Variants in CCDC178 observed in about 807,000 individuals in gnomAD.
CCDC178 encodes the protein coiled-coil domain containing 178.
CCDC178 carries 126 observed loss-of-function variants against 117.4 expected under a neutral mutation model. The ratio of observed to expected loss-of-function variants is 1.07; its 90% CI spans 0.93 to 1.24. The LOEUF is 1.24. CCDC178 is among the 50% of genes most tolerant of loss of function. CCDC178 has a pLI of 0.00. For missense variants in CCDC178, 1,030 were observed against 986.9 expected, an observed-to-expected ratio of 1.04 and a Z score of -0.59; for synonymous variants, 283 against 313.4, an observed-to-expected ratio of 0.90 and a Z score of 1.02.
intron 22 of CCDC178, among the ~76,000 whole-genome samples, chr18:32,955,339 T>C (rs564547882): frequency 6.8e-4 from 104 of 152,348 alleles, no homozygotes; most frequent in Admixed American, 1.1e-3. Flanking sequence ...TAGAGTCATA[T>C]GTAGATATTT....
At chr18:33,290,528 T>C (rs1300374862) in intron 12 of CCDC178, among the ~76,000 whole-genome samples, 4 of 152,110 alleles carry the variant, frequency 2.6e-5, no homozygotes, top group Non-Finnish European at 5.9e-5. Context: ...ACAGATTTGA[T>C]TTCTTCCCCA....
intron 7 of CCDC178, 117 bp downstream of exon 7, chr18:33,356,207 G>A (rs2063054562): frequency 9.5e-7 from 1 of 1,054,504 alleles, no homozygotes; most frequent in South Asian, 1.6e-5. Context: ...AATATCTATT[G>A]TGAAAAATCT....
intron 21 of CCDC178, among the ~76,000 whole-genome samples, chr18:33,027,470 G>T (rs907262440): frequency 6.6e-6 from 1 of 151,336 alleles, no homozygotes; most frequent in African/African-American, 2.4e-5. Flanking sequence ...TTGATTAAAA[G>T]AAAAACTCCC....
At chr18:33,189,844 G>GA (rs1210047629) in intron 20 of CCDC178, among the ~76,000 whole-genome samples, 1 of 152,116 alleles carries the variant, frequency 6.6e-6, no homozygotes, top group Non-Finnish European at 1.5e-5. Flanking sequence ...TATGTCAAAA[G>GA]AAAAAACATG....
intron 3 of CCDC178, among the ~76,000 whole-genome samples, chr18:33,410,342 T>C (rs959673256): frequency 3.9e-5 from 6 of 152,210 alleles, no homozygotes; most frequent in African/African-American, 1.4e-4. Context: ...TTTAAATGAA[T>C]AACTTGTTCC....
At chr18:33,289,265 T>C (rs976841866) in intron 12 of CCDC178, among the ~76,000 whole-genome samples, 3 of 152,170 alleles carry the variant, frequency 2.0e-5, no homozygotes, top group Non-Finnish European at 2.9e-5. Context: ...AATTTAAAAA[T>C]TTTTTGAAAA....
intron 21 of CCDC178, among the ~76,000 whole-genome samples, chr18:33,050,490 A>C (rs990840940): frequency 1.4e-4 from 22 of 152,188 alleles, no homozygotes; most frequent in African/African-American, 5.3e-4. Context: ...GGCTATATGG[A>C]AGAGTAGATT....
intron 20 of CCDC178, among the ~76,000 whole-genome samples, chr18:33,171,683 T>G (rs923194389): frequency 2.0e-5 from 3 of 152,136 alleles, no homozygotes; most frequent in Admixed American, 2.0e-4. Context: ...GGGGTAACAG[T>G]TGACATGCTG....
At chr18:33,274,368 T>C (rs138540815) in intron 12 of CCDC178, among the ~76,000 whole-genome samples, 1 of 151,986 alleles carries the variant, frequency 6.6e-6, no homozygotes, top group East Asian at 1.9e-4. Context: ...ATGTTAAACA[T>C]AGAACTATCA....
At chr18:33,240,342 C>T (rs1434808896) in intron 15 of CCDC178, among the ~76,000 whole-genome samples, 2 of 151,060 alleles carry the variant, frequency 1.3e-5, no homozygotes, top group African/African-American at 4.9e-5. Flanking sequence ...ACAAAACAAA[C>T]CCAAAGTTAG....
rs1013981620 is a variant in CCDC178 at position 33,127,591 on chromosome 18, G to A, written c.2239-34681C>T. Among the ~76,000 whole-genome samples the A allele has an allele frequency of 2.6e-4, 39 of 151,982 alleles. 1 individual carries two copies. The highest frequency in any genetic ancestry group is 2.9e-5 in the Non-Finnish European group (2 of 67,976). On this transcript the variant is annotated intron_variant, in intron 20 of 22. Coordinates refer to ENST00000383096, the MANE Select transcript of CCDC178 (RefSeq NM_001105528.4). ...GCTGGGATCACAGGTACCTGCCACC[G>A]CGCCTGGCTAATTTTTGTAATTTTA... is the stretch of plus-strand genomic sequence containing the variant.
chr18:33,205,759 A>G (rs939675593), intron 20 of CCDC178, among the ~76,000 whole-genome samples: 10 of 152,218 alleles, frequency 6.6e-5, no homozygotes, highest in Middle Eastern at 3.2e-3. Context: ...CAGTGGCACA[A>G]TCACAGCTCA....
At chr18:33,012,693 G>A (rs2055895798) in intron 21 of CCDC178, among the ~76,000 whole-genome samples, 3 of 152,070 alleles carry the variant, frequency 2.0e-5, no homozygotes, top group African/African-American at 7.2e-5. Context: ...GGTTTCCACT[G>A]TCTTCTTTTA....
chr18:33,018,583 A>T (rs963125247), intron 21 of CCDC178, among the ~76,000 whole-genome samples: 2 of 152,122 alleles, frequency 1.3e-5, no homozygotes, highest in South Asian at 4.1e-4. Context: ...GTACAAGCTC[A>T]ATGAACCTTT....
chr18:33,227,215 A>C (rs2059313233), intron 15 of CCDC178, among the ~76,000 whole-genome samples: 1 of 151,894 alleles, frequency 6.6e-6, no homozygotes, highest in African/African-American at 2.4e-5. Context: ...CAACTTTCAA[A>C]ACAAGATAGA....
chr18:33,291,063 T>A (rs2060160408), intron 12 of CCDC178, among the ~76,000 whole-genome samples: 1 of 152,114 alleles, frequency 6.6e-6, no homozygotes, highest in South Asian at 2.1e-4. Flanking sequence ...CAACCCTAAA[T>A]TTTGAACATT....
chr18:33,397,826 T>C (rs2063659275), intron 3 of CCDC178, among the ~76,000 whole-genome samples: 1 of 152,060 alleles, frequency 6.6e-6, no homozygotes, highest in Non-Finnish European at 1.5e-5. Context: ...CCTAAAGACA[T>C]ATCATTATAG....
chr18:33,350,085 T>C (rs2144692317), intron 7 of CCDC178, among the ~76,000 whole-genome samples: 1 of 152,154 alleles, frequency 6.6e-6, no homozygotes, highest in East Asian at 1.9e-4. Context: ...AGTATATTTT[T>C]TCTGATTTTT....
chr18:33,308,657 A>G (rs1006281462), intron 11 of CCDC178, among the ~76,000 whole-genome samples: 5 of 152,160 alleles, frequency 3.3e-5, no homozygotes, highest in Non-Finnish European at 5.9e-5. Flanking sequence ...CTTGAATTGT[A>G]GTTCTGACAA....
Sources: allele counts gnomAD v4.1 joint callset (sites outside exome capture counted in the v4.1 genomes callset), GRCh38; gene constraint gnomAD v4.1.1; transcripts MANE v1.5; gene names NCBI Gene and HGNC (gene_info 2026-07-23, HGNC 2026-07-21).